ASCC3: variants seen among roughly 807,000 people sequenced by gnomAD.
ASCC3 encodes ASC-1 complex subunit P200.
A neutral mutation model predicts 256.3 loss-of-function variants in ASCC3; 158 were observed. That is an observed-to-expected ratio of 0.62 (90% confidence interval 0.54 to 0.70). The LOEUF (loss-of-function observed/expected upper bound fraction) is 0.70. ASCC3 is among the 30% of genes least tolerant of loss of function. The pLI is 0.00. For missense variants in ASCC3, 2,259 were observed against 2,626.0 expected (o/e 0.86, Z 3.05); for synonymous variants, 948 against 883.4 (o/e 1.07, Z -1.30).
intron 10 of ASCC3, among the ~76,000 whole-genome samples, chr6:100,738,314 A>T (rs1780275857): frequency 6.6e-6 from 1 of 152,182 alleles, no homozygotes; most frequent in African/African-American, 2.4e-5. Flanking sequence ...CCTCAGTGGT[A>T]CTGTCTAGAT....
At chr6:100,570,231 A>G (rs1175448824) in intron 36 of ASCC3, among the ~76,000 whole-genome samples, 2 of 152,050 alleles carry the variant, frequency 1.3e-5, no homozygotes, top group Non-Finnish European at 2.9e-5. Context: ...CACCAAAGAG[A>G]GATAGTTTGA....
chr6:100,628,104 A>AC, intron 27 of ASCC3, 117 bp from the exon 28 acceptor site: 1 of 993,370 alleles, frequency 1.0e-6, no homozygotes, highest in Non-Finnish European at 1.5e-6. Flanking sequence ...AAAAAAAAAC[A>AC]AAAAAAAAGC....
At chr6:100,628,576 C>A (rs796982552) in intron 27 of ASCC3, among the ~76,000 whole-genome samples, 4 of 151,986 alleles carry the variant, frequency 2.6e-5, no homozygotes, top group African/African-American at 9.6e-5. Flanking sequence ...TGTAGCACCT[C>A]GCCCACCACC....
intron 13 of ASCC3, among the ~76,000 whole-genome samples, chr6:100,709,326 C>T (rs1778760976): frequency 6.6e-6 from 1 of 152,128 alleles, no homozygotes; most frequent in African/African-American, 2.4e-5. Context: ...ATTTAACGTA[C>T]TTAATAATGG....
rs77513037 is a variant in ASCC3, at chr6:100,863,983, T to C, written c.241+81A>G. The C allele has an allele frequency of 3.2e-3, 3,883 of 1,224,256 alleles. 91 individuals are homozygous for C. The African/African-American group carries it at 0.052, about 16-fold the overall frequency. 75.8% of individuals were successfully genotyped at this position (1,224,256 alleles called of 1,614,324 possible). A position where few individuals can be genotyped will look rare whatever the true frequency, so the allele number is the denominator to read the frequency against. On this transcript the variant is annotated intron_variant, in intron 3 of 41. Transcript: ENST00000369162. ...CAGGAAATTTTAGCTTTCCTTTACATAGTATGTTGTTTACAAGGAATCTGT... is the reference window on the plus strand; with the variant it reads ...CAGGAAATTTTAGCTTTCCTTTACACAGTATGTTGTTTACAAGGAATCTGT...
intron 37 of ASCC3, among the ~76,000 whole-genome samples, chr6:100,521,426 AT>A (rs1202342717): frequency 3.9e-5 from 6 of 152,210 alleles, no homozygotes; most frequent in Admixed American, 3.9e-4. Flanking sequence ...GAAAAAATAA[AT>A]TCATGTTAGT....
At chr6:100,635,132 C>CCAAAT (rs1399770083) in intron 25 of ASCC3, among the ~76,000 whole-genome samples, 8 of 151,136 alleles carry the variant, frequency 5.3e-5, no homozygotes, top group Non-Finnish European at 1.2e-4. Context: ...TTTGAATAGC[C>CCAAAT]CAAATATGGA....
intron 24 of ASCC3, 45 bp from the exon 25 acceptor site, chr6:100,638,866 G>A (rs371602760): frequency 1.8e-5 from 25 of 1,395,720 alleles, no homozygotes; most frequent in Admixed American, 1.7e-4. Flanking sequence ...TGAAAAACAC[G>A]CATAATACTG....
chr6:100,623,222 C>T (rs746848275), intron 30 of ASCC3, among the ~76,000 whole-genome samples: 30 of 152,158 alleles, frequency 2.0e-4, no homozygotes, highest in Non-Finnish European at 1.3e-4. Flanking sequence ...CTTTTATCAA[C>T]ATTACTTTGA....
chr6:100,573,058 A>G (rs1263039110), intron 36 of ASCC3, among the ~76,000 whole-genome samples: 2 of 152,088 alleles, frequency 1.3e-5, no homozygotes, highest in African/African-American at 2.4e-5. Context: ...TTCTGTTTCC[A>G]AAGTAACATA....
chr6:100,769,185 G>A (rs1264200874), intron 8 of ASCC3, among the ~76,000 whole-genome samples: 1 of 152,048 alleles, frequency 6.6e-6, no homozygotes, highest in Non-Finnish European at 1.5e-5. Context: ...CATCGAAGTA[G>A]AGAGTATAAT....
intron 4 of ASCC3, among the ~76,000 whole-genome samples, chr6:100,833,683 A>G (rs1771731730): frequency 6.6e-6 from 1 of 152,246 alleles, no homozygotes; most frequent in Non-Finnish European, 1.5e-5. Context: ...TAAAGCTATT[A>G]TCGATGAAAA....
At chr6:100,628,269 A>T (rs1774350970) in intron 27 of ASCC3, among the ~76,000 whole-genome samples, 1 of 152,146 alleles carries the variant, frequency 6.6e-6, no homozygotes, top group African/African-American at 2.4e-5. Context: ...AGAAGGGAAT[A>T]GAGAGTTGGT....
At position 100,852,476 on chromosome 6, in the gene ASCC3, T is replaced by C. The variant is rs763688009; in HGVS notation, c.242-3769A>G. ...TAACTGTGAGAATCCTGTTCCGAAA[T>C]AGCCTTTTGTTCACTTCCCTTTATA... On this transcript the variant is annotated intron_variant, in intron 3 of 41. Coordinates refer to ENST00000369162, the MANE Select transcript of ASCC3 (RefSeq NM_006828.4). 2.6e-5 allele frequency among the ~76,000 whole-genome samples: 4 copies of C among 151,880 alleles called. 1 individual carries two copies. The South Asian group carries it at 6.2e-4, about 24-fold the overall frequency.
chr6:100,770,812 G>A (rs367607769), intron 8 of ASCC3, among the ~76,000 whole-genome samples: 141 of 149,660 alleles, frequency 9.4e-4, no homozygotes, highest in African/African-American at 2.7e-3. Context: ...ATTCTATTTT[G>A]CTAAATGAAA....
chr6:100,553,225 T>C (rs150252021), intron 36 of ASCC3, among the ~76,000 whole-genome samples: 5 of 152,186 alleles, frequency 3.3e-5, no homozygotes, highest in Non-Finnish European at 7.4e-5. Flanking sequence ...AGTAAAATAA[T>C]CACAATCCCT....
At chr6:100,684,035 G>A (rs1157781794) in intron 13 of ASCC3, among the ~76,000 whole-genome samples, 1 of 152,090 alleles carries the variant, frequency 6.6e-6, no homozygotes, top group Non-Finnish European at 1.5e-5. Context: ...ACATTGAGAT[G>A]CTGATTAAAA....
intron 8 of ASCC3, among the ~76,000 whole-genome samples, chr6:100,783,230 A>C (rs1220071103): frequency 6.6e-6 from 1 of 152,030 alleles, no homozygotes; most frequent in Non-Finnish European, 1.5e-5. Flanking sequence ...TATGTCCCCT[A>C]CTCAGTGTTC....
chr6:100,630,481 T>G (rs61559696), intron 26 of ASCC3, among the ~76,000 whole-genome samples: 1 of 151,006 alleles, frequency 6.6e-6, no homozygotes, highest in Non-Finnish European at 1.5e-5. Flanking sequence ...ATTTTTTTTT[T>G]GTTTTTTTTT....
Sources: allele counts gnomAD v4.1 joint callset (sites outside exome capture counted in the v4.1 genomes callset), GRCh38; gene constraint gnomAD v4.1.1; transcripts MANE v1.5; gene names NCBI Gene and HGNC (gene_info 2026-07-23, HGNC 2026-07-21).